The following IGF1R variants were observed in gnomAD, a reference collection of about 807,000 sequenced individuals.
IGF1R encodes insulin like growth factor 1 receptor.
IGF1R carries 44 observed loss-of-function variants against 144.6 expected under a neutral mutation model. The ratio of observed to expected loss-of-function variants is 0.30; its 90% CI spans 0.24 to 0.39. The LOEUF (loss-of-function observed/expected upper bound fraction) is 0.39. IGF1R is among the 10% of genes least tolerant of loss of function. IGF1R has a pLI of 1.00. For missense variants in IGF1R, 1,355 were observed against 1,833.7 expected (o/e 0.74, Z 4.77); for synonymous variants, 795 against 722.8 (o/e 1.10, Z -1.60).
At chr15:98,953,425 C>A (rs1157374456) in intron 20 of IGF1R, among the ~76,000 whole-genome samples, 3 of 152,102 alleles carry the variant, frequency 2.0e-5, no homozygotes, top group Non-Finnish European at 4.4e-5. Context: ...AAAGCCCGTC[C>A]TCAGCCTTAT....
chr15:98,900,275 C>T (rs2014414988), intron 5 of IGF1R, among the ~76,000 whole-genome samples: 1 of 152,312 alleles, frequency 6.6e-6, no homozygotes, highest in Admixed American at 6.5e-5. Flanking sequence ...AGCCGTCAGC[C>T]TGTGTGTACC....
At chr15:98,848,278 T>G (rs1168778153) in intron 2 of IGF1R, among the ~76,000 whole-genome samples, 1 of 152,258 alleles carries the variant, frequency 6.6e-6, no homozygotes, top group Non-Finnish European at 1.5e-5. Flanking sequence ...TGTTTTTGAC[T>G]TGTAAAATAC....
chr15:98,818,971 G>A (rs540244840), intron 2 of IGF1R, among the ~76,000 whole-genome samples: 2 of 152,250 alleles, frequency 1.3e-5, no homozygotes, highest in East Asian at 3.9e-4. Flanking sequence ...ATTTTGGCTT[G>A]GACAGAACAG....
chr15:98,836,677 A>C (rs2057109674), intron 2 of IGF1R, among the ~76,000 whole-genome samples: 1 of 152,142 alleles, frequency 6.6e-6, no homozygotes, highest in South Asian at 2.1e-4. Context: ...TTTTCCCACT[A>C]ATATCCTTTT....
intron 5 of IGF1R, among the ~76,000 whole-genome samples, chr15:98,904,605 A>G (rs2014641388): frequency 6.6e-6 from 1 of 151,602 alleles, no homozygotes; most frequent in African/African-American, 2.4e-5. Flanking sequence ...AAGGCCAAAT[A>G]CTCTTATCAG....
chr15:98,778,299 G>A (rs2141386798), intron 2 of IGF1R, among the ~76,000 whole-genome samples: 1 of 152,276 alleles, frequency 6.6e-6, no homozygotes, highest in East Asian at 1.9e-4. Flanking sequence ...GTCTTTGTGG[G>A]CATCATCTTC....
intron 2 of IGF1R, among the ~76,000 whole-genome samples, chr15:98,805,722 A>C (rs1037912770): frequency 4.6e-5 from 7 of 152,250 alleles, no homozygotes; most frequent in Non-Finnish European, 1.0e-4. Flanking sequence ...TAAAATCGTA[A>C]AGTAGTTCTG....
chr15:98,795,489 A>G (rs906456289), intron 2 of IGF1R, among the ~76,000 whole-genome samples: 3 of 152,084 alleles, frequency 2.0e-5, no homozygotes, highest in Non-Finnish European at 4.4e-5. Flanking sequence ...ATCTCGGCTC[A>G]CTGCAAGCTC....
At chr15:98,801,079 G>C (rs893624245) in intron 2 of IGF1R, among the ~76,000 whole-genome samples, 39 of 152,098 alleles carry the variant, frequency 2.6e-4, no homozygotes, top group Admixed American at 9.8e-4. Flanking sequence ...GGAAGGCTTT[G>C]TCATCCCCGG....
intron 2 of IGF1R, among the ~76,000 whole-genome samples, chr15:98,779,631 G>A (rs28706927): frequency 0.4 from 60,150 of 152,116 alleles, 13,764 homozygotes; most frequent in Non-Finnish European, 0.5. Flanking sequence ...TTTCTGATGC[G>A]GAACTATCAT....
In IGF1R at chr15:98,962,406, C is replaced by G. The variant is rs2017261282; in HGVS notation, c.*4964C>G. On this transcript the variant is annotated 3_prime_UTR_variant, in exon 21 of 21. Coordinates refer to ENST00000650285, the MANE Select transcript of IGF1R (RefSeq NM_000875.5). ...GGAGATGTGGACCAGAGATCCACTCCTTAAGAACCAGTGGCGAAAGACACT... is the reference window on the plus strand; with the variant it reads ...GGAGATGTGGACCAGAGATCCACTCGTTAAGAACCAGTGGCGAAAGACACT... The G allele has an allele frequency of 8.6e-6, 2 of 233,612 alleles. No individual in the cohort carries two copies. Among genetic ancestry groups the G allele is most frequent in the Admixed American group, 1.1e-4 (2 of 17,780 alleles). 14.5% of individuals were successfully genotyped at this position (233,612 alleles called of 1,614,324 possible).
At chr15:98,719,810 A>T (rs746208450) in intron 2 of IGF1R, among the ~76,000 whole-genome samples, 5 of 152,122 alleles carry the variant, frequency 3.3e-5, no homozygotes, top group Non-Finnish European at 5.9e-5. Flanking sequence ...ACTCGGTCCC[A>T]CTGGAAAGCT....
intron 2 of IGF1R, among the ~76,000 whole-genome samples, chr15:98,785,284 C>G (rs2055965410): frequency 6.6e-6 from 1 of 152,158 alleles, no homozygotes; most frequent in Non-Finnish European, 1.5e-5. Flanking sequence ...GTACCAAGAA[C>G]TAATTGTACA....
chr15:98,934,264 C>T (rs914571826), intron 15 of IGF1R, among the ~76,000 whole-genome samples: 1 of 152,102 alleles, frequency 6.6e-6, no homozygotes, highest in African/African-American at 2.4e-5. Context: ...GCCCTGACAC[C>T]TCTTTTGGAT....
intron 18 of IGF1R, among the ~76,000 whole-genome samples, chr15:98,940,603 T>C (rs1272940509): frequency 6.6e-6 from 1 of 151,856 alleles, no homozygotes; most frequent in African/African-American, 2.4e-5. Context: ...CAGGTTTTCA[T>C]CATGTTAGCC....
intron 1 of IGF1R, among the ~76,000 whole-genome samples, chr15:98,700,052 C>T (rs1203476634): frequency 6.6e-6 from 1 of 152,192 alleles, no homozygotes; most frequent in Non-Finnish European, 1.5e-5. Context: ...TTTACACTTA[C>T]ACAGAAAATT....
rs45563935 is a variant in IGF1R at position 98,785,956 on chromosome 15, G to A, written c.640+77849G>A. 9.2e-3 allele frequency among the ~76,000 whole-genome samples: 1,406 copies of A among 152,244 alleles called. 10 individuals are homozygous for A. Among genetic ancestry groups the A allele is most frequent in the Non-Finnish European group, 0.014 (957 of 68,006 alleles). On this transcript the variant is annotated intron_variant, in intron 2 of 20. Coordinates refer to ENST00000650285, the MANE Select transcript of IGF1R (RefSeq NM_000875.5). ...TCTGCTGAAAGAGTCAGTTGGTTGC[G>A]GCTGTCTAATCCAATTATGGATGGT... is the stretch of plus-strand genomic sequence containing the variant.
rs185365779 is a variant in IGF1R at position 98,888,337 on chromosome 15, G to T, written c.641-2988G>T. On this transcript the variant is annotated intron_variant, in intron 2 of 20. Coordinates refer to ENST00000650285, the MANE Select transcript of IGF1R (RefSeq NM_000875.5). ...AAACATGAAATTGGAATACCCAATT[G>T]CAGTGTTTCTTTAGATCTTGGACCT... is the stretch of plus-strand genomic sequence containing the variant. Among the ~76,000 whole-genome samples, 463 of 152,170 alleles carry T rather than the reference G, an allele frequency of 3.0e-3. 6 individuals carry two copies. Among genetic ancestry groups the T allele is most frequent in the African/African-American group, 0.011 (440 of 41,532 alleles).
At chr15:98,911,526 C>T (rs2015019167) in intron 7 of IGF1R, 85 bp downstream of exon 7, 2 of 1,575,908 alleles carry the variant, frequency 1.3e-6, no homozygotes, top group African/African-American at 2.7e-5. Context: ...AATGGGCTGG[C>T]TGAATACAGG....
Sources: allele counts gnomAD v4.1 joint callset (sites outside exome capture counted in the v4.1 genomes callset), GRCh38; gene constraint gnomAD v4.1.1; transcripts MANE v1.5; gene names NCBI Gene and HGNC (gene_info 2026-07-23, HGNC 2026-07-21).